Variants in ASAH2 observed in about 807,000 individuals in gnomAD.
ASAH2 encodes the protein neutral ceramidase.
Under a neutral mutation model 82.9 loss-of-function variants are expected in ASAH2, and 58 were observed. The ratio of observed to expected loss-of-function variants is 0.70; its 90% CI spans 0.57 to 0.87. The LOEUF (loss-of-function observed/expected upper bound fraction) is 0.87, where lower values mean the gene tolerates loss of function less well. Ranked by LOEUF, ASAH2 falls within the 40% of genes least tolerant of loss-of-function variation. The probability of loss-of-function intolerance (pLI) is 0.00; values close to 1 mark genes in which losing one functional copy is unlikely to be tolerated. For synonymous variants in ASAH2, 276 were observed against 289.7 expected (o/e 0.95, Z 0.48); for missense variants, 779 against 834.0 (o/e 0.93, Z 0.81).
rs542405384 is a variant in ASAH2, at chr10:50,248,744, C to T, written c.-36-98G>A. On this transcript the variant is annotated intron_variant, in intron 1 of 20. Coordinates refer to ENST00000682911, the MANE Select transcript of ASAH2 (RefSeq NM_019893.4). The stretch of plus-strand genomic sequence containing the variant: ...TCATATTAATAGACTATACCAAGAA[C>T]GACAAGTACAGAGCACTTACCACTC... 5.3e-5 allele frequency: 49 copies of T among 925,066 alleles called. 1 individual carries two copies. The highest frequency in any genetic ancestry group is 3.1e-4 in the South Asian group (18 of 57,436). The allele number at this position is 925,066 out of a possible 1,614,324, so 57.3% of individuals were successfully genotyped here.
chr10:50,222,072 T>G (rs1845764324), intron 7 of ASAH2, among the ~76,000 whole-genome samples: 1 of 152,138 alleles, frequency 6.6e-6, no homozygotes, highest in South Asian at 2.1e-4. Context: ...CAGAGCAGAA[T>G]GGATATGGAC....
At chr10:50,228,038 CAGGGGCCA>C (rs1845935444) in intron 7 of ASAH2, among the ~76,000 whole-genome samples, 2 of 152,088 alleles carry the variant, frequency 1.3e-5, no homozygotes, top group African/African-American at 4.8e-5. Flanking sequence ...AAAAAGAAAG[CAGGGGCCA>C]AGCACAGTGG....
Position 50,212,971 on chromosome 10 carries a change from C to A in ASAH2, c.1227+1G>T. The A allele has an allele frequency of 6.2e-7, 1 of 1,613,304 alleles. No homozygotes were observed. The highest frequency in any genetic ancestry group is 8.5e-7 in the Non-Finnish European group (1 of 1,179,312). ...TTAAAGGAGCGAGGCCCATGGCTTACCTTTGCTCTCTGATACATGGCCCGT... is the reference window on the plus strand; with the variant it reads ...TTAAAGGAGCGAGGCCCATGGCTTAACTTTGCTCTCTGATACATGGCCCGT... On this transcript the variant is annotated splice_donor_variant, in intron 10 of 20. Transcript: ENST00000682911. LOFTEE classifies it high-confidence loss of function.
chr10:50,238,910 C>T (rs895648547), intron 4 of ASAH2, among the ~76,000 whole-genome samples: 1 of 151,544 alleles, frequency 6.6e-6, no homozygotes, highest in African/African-American at 2.4e-5. Context: ...GGACTTCTAG[C>T]GGGGAGAAAA....
chr10:50,202,449 C>T (rs1845176209), intron 16 of ASAH2, among the ~76,000 whole-genome samples: 1 of 152,044 alleles, frequency 6.6e-6, no homozygotes, highest in Non-Finnish European at 1.5e-5. Context: ...TTTGCAAAGT[C>T]TTAACCAGTG....
chr10:50,228,923 G>A (rs1409934956), intron 7 of ASAH2, among the ~76,000 whole-genome samples: 2 of 152,066 alleles, frequency 1.3e-5, no homozygotes, highest in Non-Finnish European at 2.9e-5. Flanking sequence ...AAAGAGGAAG[G>A]CAAAGAGAAG....
At chr10:50,220,829 C>T (rs960597394) in intron 7 of ASAH2, among the ~76,000 whole-genome samples, 770 of 63,930 alleles carry the variant, frequency 0.012, 1 homozygote, top group Non-Finnish European at 0.017. Context: ...CTTTCAAATA[C>T]TCTAGCCAAA....
intron 15 of ASAH2, 31 bp downstream of exon 15, chr10:50,203,609 A>T: frequency 2.1e-6 from 3 of 1,400,080 alleles, no homozygotes; most frequent in South Asian, 2.3e-5. Context: ...AAACATGAAC[A>T]TGTAGATATG....
rs1308749415 is a variant in ASAH2, at chr10:50,240,528, G to A, written c.510+2674C>T. ...GGTGTTTACATCACTCCGCCACTCA[G>A]AAGATTTCTCAGAGTCCATATCACC... On this transcript the variant is annotated intron_variant, in intron 4 of 20. Coordinates refer to ENST00000682911, the MANE Select transcript of ASAH2 (RefSeq NM_019893.4). 3.4e-5 allele frequency: 24 copies of A among 702,216 alleles called. No individual in the cohort carries two copies. In the African/African-American group the frequency reaches 3.7e-4, roughly 11 times the overall value. 43.5% of individuals were successfully genotyped at this position (702,216 alleles called of 1,614,324 possible).
rs966181776 is a variant in ASAH2, at chr10:50,207,039, G to A, written c.1415-942C>T. Among the ~76,000 whole-genome samples, 527 of 152,016 alleles carry A rather than the reference G, an allele frequency of 3.5e-3. 5 individuals carry two copies. Among genetic ancestry groups the A allele is most frequent in the East Asian group, 0.017 (90 of 5,180 alleles). On this transcript the variant is annotated intron_variant, in intron 12 of 20. Transcript: ENST00000682911. Reference sequence around the variant, plus strand: ...AATAAAGGAAAAAATGGAGAAGCTTGCAAATATGCAGAAATTAAGCAGTAT... The same window carrying A: ...AATAAAGGAAAAAATGGAGAAGCTTACAAATATGCAGAAATTAAGCAGTAT...
At position 50,205,981 on chromosome 10, in the gene ASAH2, C is replaced by T. The variant is rs1316008438; in HGVS notation, c.1530+1G>A. 3.7e-6 allele frequency: 6 copies of T among 1,606,736 alleles called. No individual in the cohort carries two copies. The highest frequency in any genetic ancestry group is 5.1e-6 in the Non-Finnish European group (6 of 1,173,810). On this transcript the variant is annotated splice_donor_variant, in intron 13 of 20. Transcript: ENST00000682911. LOFTEE classifies it high-confidence loss of function. The stretch of plus-strand genomic sequence containing the variant: ...TCACTATGATAACGAAAATGCATTA[C>T]TTCTCCGGTGTGAAGAAGGATGGGC...
chr10:50,242,266 T>C (rs1035444953), intron 4 of ASAH2, among the ~76,000 whole-genome samples: 1 of 152,186 alleles, frequency 6.6e-6, no homozygotes, highest in Non-Finnish European at 1.5e-5. Flanking sequence ...GCTTCCCACA[T>C]GTGATGAGGG....
rs1846417886 is a variant in ASAH2 at position 50,245,267 on chromosome 10, A to G, written c.315T>C (p.Gly105=). 5.0e-6 allele frequency: 8 copies of G among 1,614,036 alleles called. No individual in the cohort carries two copies. In the East Asian group the frequency reaches 1.6e-4, roughly 31 times the overall value. Residue 105 remains glycine, a synonymous_variant, in exon 3 of 21, where the codon GGT becomes GGC. Coordinates refer to ENST00000682911, the MANE Select transcript of ASAH2 (RefSeq NM_019893.4). ...LFQNFSGYHI[G]VGRADCTGQV... is the part of the protein sequence containing the mutation. ...GTCCTGTGCAGTCAGCTCGTCCAAC[A>G]CCAATATGGTAGCCACTGAAGTTCT... is the stretch of plus-strand genomic sequence containing the variant.
intron 12 of ASAH2, among the ~76,000 whole-genome samples, chr10:50,207,365 G>C (rs1845327117): frequency 6.6e-6 from 1 of 151,542 alleles, no homozygotes; most frequent in South Asian, 2.1e-4. Flanking sequence ...AAAGAAAACA[G>C]AAAAATCAAT....
At chr10:50,249,527 C>T (rs1444121416) in intron 1 of ASAH2, among the ~76,000 whole-genome samples, 1 of 152,156 alleles carries the variant, frequency 6.6e-6, no homozygotes, top group Non-Finnish European at 1.5e-5. Context: ...CTGCCACTTA[C>T]TGGATGACTT....
intron 8 of ASAH2, among the ~76,000 whole-genome samples, chr10:50,216,132 G>T: frequency 9.0e-6 from 1 of 111,448 alleles, no homozygotes; most frequent in African/African-American, 3.5e-5. Context: ...ACAGGGAGGG[G>T]AACATCACAC....
At chr10:50,246,777 T>G (rs562826780) in intron 2 of ASAH2, among the ~76,000 whole-genome samples, 1 of 152,332 alleles carries the variant, frequency 6.6e-6, no homozygotes, top group Non-Finnish European at 1.5e-5. Context: ...CGAGATTTTC[T>G]TGAAGACATC....
At chr10:50,232,102 G>A (rs1846034569) in intron 7 of ASAH2, among the ~76,000 whole-genome samples, 1 of 152,082 alleles carries the variant, frequency 6.6e-6, no homozygotes, top group Non-Finnish European at 1.5e-5. Flanking sequence ...TTATTACCAT[G>A]TTGTTCTCCA....
intron 13 of ASAH2, among the ~76,000 whole-genome samples, chr10:50,205,304 G>A (rs1046585464): frequency 2.6e-5 from 4 of 151,830 alleles, no homozygotes; most frequent in South Asian, 2.1e-4. Context: ...TATTATAATC[G>A]CACTTTAAGT....
Sources: gnomAD v4.1 joint callset for allele counts (sites outside exome capture counted in the v4.1 genomes callset) on GRCh38, gnomAD v4.1.1 for gene constraint, MANE v1.5 for transcripts, NCBI Gene and HGNC (gene_info 2026-07-23, HGNC 2026-07-21) for gene names.